RBM27: variants seen among roughly 807,000 people sequenced by gnomAD.
The protein encoded by RBM27 is RNA binding motif protein 27.
In RBM27, 22 loss-of-function variants were observed where a neutral mutation model predicts 135.3. The observed-to-expected ratio is 0.16, with a 90% CI of 0.12 to 0.23. RBM27 has a LOEUF of 0.23. Ranked by LOEUF, RBM27 falls within the 10% of genes least tolerant of loss-of-function variation. RBM27 has a pLI of 1.00. For missense variants in RBM27, 1,009 were observed against 1,281.0 expected (o/e 0.79, Z 3.24); for synonymous variants, 481 against 442.4 (o/e 1.09, Z -1.10).
chr5:146,284,860 T>G, intron 20 of RBM27, 128 bp downstream of exon 20: 1 of 572,892 alleles, frequency 1.7e-6, no homozygotes, highest in South Asian at 2.6e-5. Flanking sequence ...TAAGACCCGT[T>G]TAGATGTTTA....
chr5:146,251,024 C>T (rs1285856824), intron 8 of RBM27, among the ~76,000 whole-genome samples: 1 of 151,134 alleles, frequency 6.6e-6, no homozygotes, highest in Admixed American at 6.7e-5. Context: ...ATCCACCCAC[C>T]TCGGCCTCCC....
At chr5:146,243,278 TA>T (rs1757486769) in intron 8 of RBM27, among the ~76,000 whole-genome samples, 3 of 151,974 alleles carry the variant, frequency 2.0e-5, no homozygotes, top group Non-Finnish European at 2.9e-5. Flanking sequence ...AAAAAATAAA[TA>T]AAATAAAGTA....
At chr5:146,270,379 CAT>C (rs1288942956) in intron 17 of RBM27, among the ~76,000 whole-genome samples, 3 of 151,958 alleles carry the variant, frequency 2.0e-5, no homozygotes, top group Non-Finnish European at 4.4e-5. Flanking sequence ...AGTATAGAAA[CAT>C]AAAGTGTTTA....
chr5:146,246,139 C>T (rs1353246120), intron 8 of RBM27, among the ~76,000 whole-genome samples: 2 of 152,126 alleles, frequency 1.3e-5, no homozygotes, highest in Non-Finnish European at 2.9e-5. Flanking sequence ...TACCAGGTAC[C>T]TTGTATTCTA....
At chr5:146,240,281 A>G (rs1757348141) in intron 8 of RBM27, among the ~76,000 whole-genome samples, 1 of 149,516 alleles carries the variant, frequency 6.7e-6, no homozygotes, top group Admixed American at 6.7e-5. Flanking sequence ...GGAAGACATG[A>G]TTGCTGTTTT....
rs1393173823 is a variant in RBM27, at chr5:146,287,496, G to A, written c.*1466G>A. On this transcript the variant is annotated 3_prime_UTR_variant, in exon 21 of 21. Transcript: ENST00000265271. ...CTGTGTTTTTATATATGTGTGGTAT[G>A]AAAATTTGAAACCTCCTGTTGTCTC... The A allele has an allele frequency of 6.6e-6, 1 of 152,082 alleles. No homozygotes were observed. Among genetic ancestry groups the A allele is most frequent in the Non-Finnish European group, 1.5e-5 (1 of 67,994 alleles). 9.4% of individuals were successfully genotyped at this position (152,082 alleles called of 1,614,324 possible). A position where few individuals can be genotyped will look rare whatever the true frequency, so the allele number is the denominator to read the frequency against.
intron 3 of RBM27, among the ~76,000 whole-genome samples, chr5:146,228,343 G>T (rs557331787): frequency 6.8e-6 from 1 of 146,382 alleles, no homozygotes; most frequent in South Asian, 2.2e-4. Flanking sequence ...GCGCAGTGGC[G>T]TGATCTCGGC....
intron 2 of RBM27, among the ~76,000 whole-genome samples, chr5:146,222,496 C>A (rs1300331600): frequency 6.6e-6 from 1 of 152,088 alleles, no homozygotes; most frequent in South Asian, 2.1e-4. Flanking sequence ...CCAGCTTGGC[C>A]AACATGGTGA....
chr5:146,219,109 T>A lies in RBM27; in HGVS notation c.178+6T>A. On this transcript the variant is annotated splice_donor_region_variant and intron_variant, in intron 2 of 20. Coordinates refer to ENST00000265271, the MANE Select transcript of RBM27 (RefSeq NM_018989.2). ...TGATGTCTTTTTACAAAAAGGTAAT[T>A]ATTATGGGCCTTCAATCGAGTATTG... 1 of 1,555,010 alleles carries A rather than the reference T, an allele frequency of 6.4e-7. No individual in the cohort carries two copies. The highest frequency in any genetic ancestry group is 1.4e-5 in the African/African-American group (1 of 73,328).
At chr5:146,268,630 T>C (rs1758727070) in intron 15 of RBM27, among the ~76,000 whole-genome samples, 1 of 152,156 alleles carries the variant, frequency 6.6e-6, no homozygotes, top group Admixed American at 6.5e-5. Flanking sequence ...GTCACTCACG[T>C]TGAGTGCAGT....
At chr5:146,234,716 G>A (rs1757085540) in intron 7 of RBM27, among the ~76,000 whole-genome samples, 1 of 152,030 alleles carries the variant, frequency 6.6e-6, no homozygotes, top group Non-Finnish European at 1.5e-5. Flanking sequence ...AACGTTATCT[G>A]CTTGAAGACT....
At chr5:146,215,274 T>G (rs530452103) in intron 1 of RBM27, among the ~76,000 whole-genome samples, 1 of 152,320 alleles carries the variant, frequency 6.6e-6, no homozygotes, top group East Asian at 1.9e-4. Flanking sequence ...GATCTTGATC[T>G]GCTGACCTCA....
chr5:146,221,671 A>T, intron 2 of RBM27, among the ~76,000 whole-genome samples: 1 of 152,170 alleles, frequency 6.6e-6, no homozygotes, highest in East Asian at 1.9e-4. Context: ...GCCTCAAGTG[A>T]TCCACCTGCC....
intron 5 of RBM27, among the ~76,000 whole-genome samples, 167 bp from the exon 6 acceptor site, chr5:146,230,490 G>A (rs1403545735): frequency 1.3e-5 from 2 of 152,150 alleles, no homozygotes; most frequent in African/African-American, 4.8e-5. Flanking sequence ...ACTTGTTGAT[G>A]TCCCTGCTTT....
intron 19 of RBM27, among the ~76,000 whole-genome samples, chr5:146,274,033 G>A (rs1160824480): frequency 2.0e-5 from 3 of 152,186 alleles, no homozygotes; most frequent in Non-Finnish European, 4.4e-5. Flanking sequence ...CGCCCAGGCT[G>A]GAGTGCAATG....
At chr5:146,258,784 T>A (rs985045421) in intron 11 of RBM27, among the ~76,000 whole-genome samples, 191 bp downstream of exon 11, 4 of 149,356 alleles carry the variant, frequency 2.7e-5, no homozygotes, top group Non-Finnish European at 5.9e-5. Flanking sequence ...TTTTTTTTTT[T>A]AAAAGACGTA....
chr5:146,229,847 C>G lies in RBM27; in HGVS notation c.526C>G (p.Leu176Val), dbSNP rs770184615. 2.8e-5 allele frequency: 45 copies of G among 1,613,932 alleles called. No individual in the cohort carries two copies. The highest frequency in any genetic ancestry group is 3.4e-5 in the Non-Finnish European group (40 of 1,179,956). Residue 176 changes from leucine (L) to valine (V), a missense_variant, in exon 5 of 21, where the codon CTG becomes GTG. Leu to Val is a conservative substitution (Grantham distance 32, BLOSUM62 1). Coordinates refer to ENST00000265271, the MANE Select transcript of RBM27 (RefSeq NM_018989.2). ...TAAGAGTCGGAGTAAGAGTCGAGGC[C>G]TGAGTCGCAGTAGAAGCCGAAGTAG... ...RSKSRSKSRG[L>V]SRSRSRSRGR...
In RBM27 at chr5:146,288,655, A is replaced by G. The variant is rs1378929861; in HGVS notation, c.*2625A>G. On this transcript the variant is annotated 3_prime_UTR_variant, in exon 21 of 21. Coordinates refer to ENST00000265271, the MANE Select transcript of RBM27 (RefSeq NM_018989.2). The stretch of plus-strand genomic sequence containing the variant: ...TCTAAAGCAAGTTCTGTCCCTCTTA[A>G]TGTGTATGACATCTTTTTAAGTAGC... The G allele has an allele frequency of 6.6e-6, 1 of 152,066 alleles. No individual in the cohort carries two copies. The highest frequency in any genetic ancestry group is 1.5e-5 in the Non-Finnish European group (1 of 67,952). The allele number at this position is 152,066 out of a possible 1,614,324, so 9.4% of individuals were successfully genotyped here. A position where few individuals can be genotyped will look rare whatever the true frequency, so the allele number is the denominator to read the frequency against.
chr5:146,214,717 C>T (rs1756117454), intron 1 of RBM27, among the ~76,000 whole-genome samples: 2 of 152,118 alleles, frequency 1.3e-5, no homozygotes, highest in East Asian at 3.8e-4. Context: ...TTATTTTAGA[C>T]TTATAATTTT....
Sources: gnomAD v4.1 joint callset for allele counts (sites outside exome capture counted in the v4.1 genomes callset) on GRCh38, gnomAD v4.1.1 for gene constraint, MANE v1.5 for transcripts, NCBI Gene and HGNC (gene_info 2026-07-23, HGNC 2026-07-21) for gene names.